ANKRD26: variants seen among roughly 807,000 people sequenced by gnomAD.
ANKRD26 encodes ankyrin repeat domain 26, also known as ankyrin repeat domain-containing protein 26.
In ANKRD26, 141 loss-of-function variants were observed where a neutral mutation model predicts 208.7. The observed-to-expected ratio is 0.68, with a 90% CI of 0.59 to 0.78. ANKRD26 has a LOEUF of 0.78. Ranked by LOEUF, ANKRD26 falls within the 30% of genes least tolerant of loss-of-function variation. The pLI, the probability that ANKRD26 is intolerant of heterozygous loss-of-function variation, is 0.00. For synonymous variants in ANKRD26, 636 were observed against 660.4 expected (o/e 0.96, Z 0.57); for missense variants, 1,889 against 1,938.7 (o/e 0.97, Z 0.48).
chr10:27,039,937 AC>A, intron 21 of ANKRD26, 27 bp downstream of exon 21: 1 of 1,589,952 alleles, frequency 6.3e-7, no homozygotes, highest in Non-Finnish European at 8.6e-7. Flanking sequence ...AAATAGTTAA[AC>A]ATTTCTTTAA....
At chr10:27,041,166 CCT>C (rs2054226612) in intron 20 of ANKRD26, among the ~76,000 whole-genome samples, 1 of 151,814 alleles carries the variant, frequency 6.6e-6, no homozygotes, top group Admixed American at 6.6e-5. Flanking sequence ...CAGCAGACTC[CCT>C]GAGTTGAAGT....
At chr10:26,993,957 G>A (rs982153947) in intron 5 of ANKRD26, among the ~76,000 whole-genome samples, 1 of 152,218 alleles carries the variant, frequency 6.6e-6, no homozygotes, top group African/African-American at 2.4e-5. Flanking sequence ...CAGAAACAAG[G>A]TTGTGAAATT....
chr10:27,035,884 A>T (rs1249526823), intron 23 of ANKRD26, 132 bp from the exon 24 acceptor site: 1 of 693,496 alleles, frequency 1.4e-6, no homozygotes, highest in Non-Finnish European at 2.4e-6. Context: ...ATTGAAAAAA[A>T]AAAAGTTGGA....
chr10:27,033,016 A>G (rs2135161678), intron 25 of ANKRD26, among the ~76,000 whole-genome samples: 1 of 151,034 alleles, frequency 6.6e-6, no homozygotes, highest in East Asian at 2.0e-4. Flanking sequence ...TGGGGCTTGC[A>G]TTGAGCCGAG....
chr10:26,971,706 A>G (rs538745953), downstream of ANKRD26, among the ~76,000 whole-genome samples: 1 of 151,540 alleles, frequency 6.6e-6, no homozygotes, highest in African/African-American at 2.4e-5. Context: ...AAACATAAAG[A>G]ATTTCATTAA....
At chr10:26,992,288 G>A (rs182687264) in intron 5 of ANKRD26, among the ~76,000 whole-genome samples, 10 of 151,954 alleles carry the variant, frequency 6.6e-5, no homozygotes, top group Admixed American at 1.3e-4. Flanking sequence ...AAATCTTATG[G>A]AGAAAGAATT....
chr10:27,017,339 T>C (rs2053330457), intron 30 of ANKRD26, among the ~76,000 whole-genome samples, 163 bp downstream of exon 30: 1 of 152,228 alleles, frequency 6.6e-6, no homozygotes, highest in Admixed American at 6.5e-5. Context: ...GTTATAATAA[T>C]GATGGAAACT....
At chr10:27,006,834 A>C in intron 33 of ANKRD26, 83 bp downstream of exon 33, 30 of 1,042,942 alleles carry the variant, frequency 2.9e-5, no homozygotes, top group Non-Finnish European at 4.4e-5. Flanking sequence ...AAACAATGGA[A>C]AGGGATCCCA....
At chr10:27,085,226 G>C (rs916279515) in intron 5 of ANKRD26, among the ~76,000 whole-genome samples, 1 of 151,812 alleles carries the variant, frequency 6.6e-6, no homozygotes, top group Non-Finnish European at 1.5e-5. Context: ...TCAGCCTCCT[G>C]AGTAGCTGGG....
chr10:27,047,701 A>ACTACTACTACTACTAC lies in ANKRD26; in HGVS notation c.1814+1099_1814+1100insGTAGTAGTAGTAGTAG, dbSNP rs1554782089. Among the ~76,000 whole-genome samples the ACTACTACTACTACTAC allele has an allele frequency of 4.3e-5, 6 of 138,900 alleles. No homozygotes were observed. In the East Asian group the frequency reaches 1.3e-3, roughly 30 times the overall value. 91.1% of individuals were successfully genotyped at this position (138,900 alleles called of 152,430 possible). A position where few individuals can be genotyped will look rare whatever the true frequency, so the allele number is the denominator to read the frequency against. ...ATTTACCACCAGAAAAACTGTAATA[A>ACTACTACTACTACTAC]TACTACTACTACTACTACTACTAAT... is the stretch of plus-strand genomic sequence containing the variant. On this transcript the variant is annotated intron_variant, in intron 17 of 33. Transcript: ENST00000376087.
At chr10:27,081,893 C>A (rs185226832) in intron 6 of ANKRD26, among the ~76,000 whole-genome samples, 1 of 151,858 alleles carries the variant, frequency 6.6e-6, no homozygotes, top group Admixed American at 6.6e-5. Context: ...TGCGCCACCA[C>A]GCCTGGCTAA....
intron 4 of ANKRD26, chr10:27,088,496 A>T (rs2056195072): frequency 6.6e-6 from 1 of 152,190 alleles, no homozygotes; most frequent in African/African-American, 2.4e-5. Flanking sequence ...AATCCAACTA[A>T]CCTACTTTAC....
intron 5 of ANKRD26, among the ~76,000 whole-genome samples, chr10:26,992,507 C>CACACACACACACACAG (rs1554768436): frequency 1.5e-5 from 2 of 134,250 alleles, no homozygotes; most frequent in Admixed American, 7.3e-5. Context: ...CACACACACA[C>CACACACACACACACAG]AGAGAGAAAA....
chr10:27,053,481 T>A, intron 15 of ANKRD26, 91 bp from the exon 16 acceptor site: 5 of 897,122 alleles, frequency 5.6e-6, no homozygotes, highest in Non-Finnish European at 8.4e-6. Flanking sequence ...TAATATTTAT[T>A]TTATTTTATA....
In ANKRD26 at chr10:27,037,891, C is replaced by G. The variant is rs1361985075; in HGVS notation, c.2539G>C (p.Val847Leu). 6.2e-7 allele frequency: 1 copy of G among 1,610,268 alleles called. No homozygotes were observed. The highest frequency in any genetic ancestry group is 1.3e-5 in the African/African-American group (1 of 74,946). Residue 847 changes from valine to leucine, a missense_variant, in exon 22 of 34, where the codon GTA becomes CTA. Coordinates refer to ENST00000376087, the MANE Select transcript of ANKRD26 (RefSeq NM_014915.3). ...LQTLEMELRTVKSNLNQVVQE... is the reference protein window; with the variant it reads ...LQTLEMELRTLKSNLNQVVQE... Reference sequence around the variant, plus strand: ...TTTACCTGATTCAAATTACTTTTTACAGTCCTCAATTCCATCTCCAGTGTT... The same window carrying G: ...TTTACCTGATTCAAATTACTTTTTAGAGTCCTCAATTCCATCTCCAGTGTT...
chr10:26,975,086 C>T (rs2052205085), exon 6 of ANKRD26, among the ~76,000 whole-genome samples: 2 of 152,132 alleles, frequency 1.3e-5, no homozygotes, highest in South Asian at 4.1e-4. Flanking sequence ...AGTTATGCCT[C>T]CTCAGCTAGG....
At chr10:26,966,593 A>C in the ANKRD26 span, among the ~76,000 whole-genome samples, 1 of 152,102 alleles carries the variant, frequency 6.6e-6, no homozygotes. Context: ...CATGTATCCC[A>C]ATTTTTTTAA....
chr10:26,981,388 C>G (rs1038421391), intron 4 of ANKRD26, among the ~76,000 whole-genome samples: 8 of 152,096 alleles, frequency 5.3e-5, no homozygotes, highest in Non-Finnish European at 1.2e-4. Context: ...ATACTGATAA[C>G]AGCAAGGTTG....
At chr10:27,010,990 G>T (rs1443116769) in intron 32 of ANKRD26, among the ~76,000 whole-genome samples, 2 of 152,094 alleles carry the variant, frequency 1.3e-5, no homozygotes, top group Non-Finnish European at 2.9e-5. Context: ...CATTTGATTT[G>T]TTCCTTGTTA....
Sources: gnomAD v4.1 joint callset for allele counts (sites outside exome capture counted in the v4.1 genomes callset) on GRCh38, gnomAD v4.1.1 for gene constraint, MANE v1.5 for transcripts, NCBI Gene and HGNC (gene_info 2026-07-23, HGNC 2026-07-21) for gene names.